NTM: variants seen among roughly 807,000 people sequenced by gnomAD.
The protein encoded by NTM is IgLON family member 2.
NTM carries 13 observed loss-of-function variants against 42.1 expected under a neutral mutation model. The observed-to-expected ratio is 0.31, with a 90% confidence interval of 0.20 to 0.49. The LOEUF (loss-of-function observed/expected upper bound fraction) is 0.49. NTM is among the 20% of genes least tolerant of loss of function. The pLI is 0.99. For synonymous variants in NTM, 187 were observed against 179.2 expected, an observed-to-expected ratio of 1.04 and a Z score of -0.35; for missense variants, 373 against 452.8, an observed-to-expected ratio of 0.82 and a Z score of 1.60.
chr11:132,088,461 C>A (rs921763712), intron 2 of NTM, among the ~76,000 whole-genome samples: 1 of 152,148 alleles, frequency 6.6e-6, no homozygotes, highest in South Asian at 2.1e-4. Context: ...TACATGGACA[C>A]ACTGAAAGGT....
intron 2 of NTM, among the ~76,000 whole-genome samples, chr11:132,128,030 T>C (rs906667747): frequency 1.2e-4 from 19 of 152,222 alleles, no homozygotes; most frequent in African/African-American, 4.3e-4. Flanking sequence ...TTGGGCACTC[T>C]CATCCATATG....
At chr11:131,580,010 G>A (rs1049099798) in intron 1 of NTM, among the ~76,000 whole-genome samples, 7 of 152,158 alleles carry the variant, frequency 4.6e-5, no homozygotes, top group African/African-American at 1.7e-4. Flanking sequence ...TCTCTGCCGA[G>A]CCAGGAGGTG....
At chr11:131,729,114 T>C (rs1181494182) in intron 1 of NTM, among the ~76,000 whole-genome samples, 1 of 152,214 alleles carries the variant, frequency 6.6e-6, no homozygotes, top group Non-Finnish European at 1.5e-5. Flanking sequence ...AAATGTGACC[T>C]TGGGCAACTT....
chr11:131,601,423 G>A (rs1317330430), intron 1 of NTM, among the ~76,000 whole-genome samples: 1 of 152,174 alleles, frequency 6.6e-6, no homozygotes, highest in East Asian at 1.9e-4. Context: ...CAAAAATAGA[G>A]CAATTTACAT....
At chr11:131,689,786 C>T (rs1214259426) in intron 1 of NTM, among the ~76,000 whole-genome samples, 2 of 152,200 alleles carry the variant, frequency 1.3e-5, no homozygotes, top group Non-Finnish European at 2.9e-5. Flanking sequence ...TCTCACCCTT[C>T]CTGCTGGCAG....
chr11:131,957,863 G>GTT (rs900946706), intron 2 of NTM, among the ~76,000 whole-genome samples: 13 of 152,028 alleles, frequency 8.6e-5, no homozygotes, highest in African/African-American at 2.4e-4. Context: ...TGAATAGGTG[G>GTT]TTGTGTGTGT....
chr11:131,990,319 A>T (rs1371517626), intron 2 of NTM, among the ~76,000 whole-genome samples: 2 of 152,188 alleles, frequency 1.3e-5, no homozygotes, highest in Non-Finnish European at 1.5e-5. Context: ...GCCAGTAACT[A>T]AAATGAAAAA....
intron 4 of NTM, chr11:132,285,202 AG>A (rs1232863802): frequency 6.6e-6 from 1 of 152,412 alleles, no homozygotes; most frequent in East Asian, 1.9e-4. Context: ...TGCCCCTCAG[AG>A]GCCTGGACCC....
At chr11:132,012,849 G>C (rs1168172181) in intron 2 of NTM, among the ~76,000 whole-genome samples, 3 of 152,190 alleles carry the variant, frequency 2.0e-5, no homozygotes, top group Non-Finnish European at 4.4e-5. Flanking sequence ...GAGCCATTCA[G>C]AATACGCATC....
At chr11:132,202,462 A>G (rs768863967) in intron 3 of NTM, among the ~76,000 whole-genome samples, 2 of 152,184 alleles carry the variant, frequency 1.3e-5, no homozygotes, top group Admixed American at 6.5e-5. Flanking sequence ...ACTGCCATAC[A>G]TGGAAAACAC....
At chr11:131,556,017 T>C (rs1293004962) in intron 1 of NTM, among the ~76,000 whole-genome samples, 2 of 152,192 alleles carry the variant, frequency 1.3e-5, no homozygotes, top group African/African-American at 4.8e-5. Flanking sequence ...AATGGAAAGT[T>C]TCTTGCGTTT....
intron 1 of NTM, chr11:131,605,933 A>T: frequency 1.1e-6 from 1 of 949,870 alleles, no homozygotes; most frequent in Non-Finnish European, 1.3e-6. Context: ...TATGTTACTT[A>T]TTTAAAATTG....
intron 1 of NTM, among the ~76,000 whole-genome samples, chr11:131,552,897 T>TTC (rs1426356696): frequency 6.6e-6 from 1 of 152,000 alleles, no homozygotes; most frequent in African/African-American, 2.4e-5. Flanking sequence ...TTGTGGTGTA[T>TTC]TCATTCAACG....
At chr11:131,758,107 G>C (rs1337665691) in intron 1 of NTM, among the ~76,000 whole-genome samples, 1 of 152,166 alleles carries the variant, frequency 6.6e-6, no homozygotes, top group Non-Finnish European at 1.5e-5. Context: ...AACTAGGGAA[G>C]CCCAAGATTT....
At chr11:132,200,436 G>T (rs1322260674) in intron 3 of NTM, among the ~76,000 whole-genome samples, 2 of 152,182 alleles carry the variant, frequency 1.3e-5, no homozygotes, top group East Asian at 1.9e-4. Flanking sequence ...CAGTTATTTG[G>T]AGAACAAGAG....
chr11:132,247,545 GA>G (rs1229446072), intron 4 of NTM, among the ~76,000 whole-genome samples: 4 of 151,966 alleles, frequency 2.6e-5, no homozygotes, highest in Admixed American at 2.0e-4. Context: ...AAATGAATAA[GA>G]AAAAAACATA....
chr11:131,855,870 C>T (rs547341018), intron 1 of NTM, among the ~76,000 whole-genome samples: 1 of 152,274 alleles, frequency 6.6e-6, no homozygotes, highest in Non-Finnish European at 1.5e-5. Flanking sequence ...TGGATCAATC[C>T]TCCATCCTCA....
chr11:132,087,990 A>T (rs1010620041), intron 2 of NTM, among the ~76,000 whole-genome samples: 2 of 152,204 alleles, frequency 1.3e-5, no homozygotes, highest in African/African-American at 4.8e-5. Flanking sequence ...CCCATCCTGC[A>T]TGGCCATTGG....
At chr11:131,794,414 C>T (rs890637405) in intron 1 of NTM, 11 of 887,692 alleles carry the variant, frequency 1.2e-5, no homozygotes, top group Non-Finnish European at 1.1e-5. Flanking sequence ...CATCTACATG[C>T]TCCGTAGTTT....
Sources: allele counts gnomAD v4.1 joint callset (sites outside exome capture counted in the v4.1 genomes callset), GRCh38; gene constraint gnomAD v4.1.1; transcripts MANE v1.5; gene names NCBI Gene and HGNC (gene_info 2026-07-23, HGNC 2026-07-21).